The following PDE7B variants were observed in gnomAD, a reference collection of about 807,000 sequenced individuals.
The protein encoded by PDE7B is phosphodiesterase 7B.
In PDE7B, 29 loss-of-function variants were observed where a neutral mutation model predicts 56.2. That is an observed-to-expected ratio of 0.52 (90% CI 0.38 to 0.70). PDE7B has a LOEUF of 0.70. Among genes scored for constraint, PDE7B ranks in the 30% least tolerant of loss-of-function variants. PDE7B has a pLI of 0.00. For missense variants in PDE7B, 490 were observed against 565.0 expected (o/e 0.87, Z 1.35); for synonymous variants, 197 against 196.9 (o/e 1.00, Z 0.00).
chr6:136,065,715 A>G (rs1271400264), intron 2 of PDE7B, among the ~76,000 whole-genome samples: 1 of 152,186 alleles, frequency 6.6e-6, no homozygotes, highest in Non-Finnish European at 1.5e-5. Context: ...AGTGTCTCAG[A>G]TTCTATTACA....
chr6:135,961,480 A>C (rs1774902158), intron 2 of PDE7B, among the ~76,000 whole-genome samples: 1 of 152,164 alleles, frequency 6.6e-6, no homozygotes, highest in Non-Finnish European at 1.5e-5. Context: ...CAGTTTATGT[A>C]ATAGCCTGTA....
chr6:136,093,890 C>G (rs1250892048), intron 2 of PDE7B: 2 of 152,298 alleles, frequency 1.3e-5, no homozygotes, highest in Admixed American at 6.5e-5. Flanking sequence ...CTTTCTCATT[C>G]AAAATTCTCC....
At chr6:136,055,398 T>G (rs1224925657) in intron 2 of PDE7B, among the ~76,000 whole-genome samples, 2 of 152,212 alleles carry the variant, frequency 1.3e-5, no homozygotes, top group Admixed American at 6.5e-5. Flanking sequence ...CTACCTTGAG[T>G]ACCAGCACTG....
chr6:135,927,747 A>C (rs754044780), intron 1 of PDE7B, among the ~76,000 whole-genome samples: 1 of 152,202 alleles, frequency 6.6e-6, no homozygotes, highest in Non-Finnish European at 1.5e-5. Context: ...TTTATGACTA[A>C]GTCCCCAAAA....
intron 1 of PDE7B, among the ~76,000 whole-genome samples, chr6:135,916,140 G>A (rs1372594189): frequency 6.6e-6 from 1 of 152,098 alleles, no homozygotes; most frequent in Non-Finnish European, 1.5e-5. Context: ...GTTTTTCCCA[G>A]TGACTTTCCC....
intron 2 of PDE7B, among the ~76,000 whole-genome samples, chr6:135,982,487 A>C (rs1055889653): frequency 6.6e-5 from 10 of 152,102 alleles, no homozygotes; most frequent in African/African-American, 2.2e-4. Flanking sequence ...TCTGGTGCGC[A>C]TCCCTTGTTC....
intron 2 of PDE7B, among the ~76,000 whole-genome samples, chr6:136,050,028 G>A (rs948869924): frequency 3.9e-5 from 6 of 152,050 alleles, no homozygotes; most frequent in African/African-American, 1.2e-4. Flanking sequence ...CTGCACAAGG[G>A]CCAACTCGAG....
At chr6:136,100,948 C>T (rs143501960) in intron 2 of PDE7B, among the ~76,000 whole-genome samples, 108 of 152,264 alleles carry the variant, frequency 7.1e-4, no homozygotes, top group Non-Finnish European at 1.0e-3. Context: ...TCCATCAATA[C>T]ATAGTTTATT....
At chr6:136,037,707 A>AG (rs1296329019) in intron 2 of PDE7B, 4 of 985,338 alleles carry the variant, frequency 4.1e-6, no homozygotes, top group Non-Finnish European at 4.8e-6. Context: ...GCCTCCAGCA[A>AG]GGGGGGAGCC....
At chr6:135,931,638 A>G (rs1774293185) in intron 1 of PDE7B, among the ~76,000 whole-genome samples, 1 of 152,216 alleles carries the variant, frequency 6.6e-6, no homozygotes, top group Admixed American at 6.5e-5. Flanking sequence ...GGGAAGTGTT[A>G]CAAGGGAATG....
intron 1 of PDE7B, among the ~76,000 whole-genome samples, chr6:135,880,738 C>G (rs770134793): frequency 2.1e-4 from 32 of 152,298 alleles, no homozygotes; most frequent in Admixed American, 3.9e-4. Flanking sequence ...CAAAAGAAAT[C>G]TTTCAGCAAA....
chr6:136,083,391 G>A (rs1777236920), intron 2 of PDE7B, among the ~76,000 whole-genome samples: 1 of 152,088 alleles, frequency 6.6e-6, no homozygotes, highest in South Asian at 2.1e-4. Flanking sequence ...ATGACTACTT[G>A]CATCTATGCC....
rs1562449114 is a variant in PDE7B, at chr6:135,947,397, T to A, written c.22-67T>A. 3.4e-6 allele frequency: 4 copies of A among 1,190,470 alleles called. No individual in the cohort carries two copies. In the African/African-American group the frequency reaches 4.5e-5, roughly 13 times the overall value. The allele number at this position is 1,190,470 out of a possible 1,614,324, so 73.7% of individuals were successfully genotyped here. ...AATGTTATGGTAATGTCAGGTCACATGGATATATTGTCTTGGGAATCTTGA... is the reference window on the plus strand; with the variant it reads ...AATGTTATGGTAATGTCAGGTCACAAGGATATATTGTCTTGGGAATCTTGA... On this transcript the variant is annotated intron_variant, in intron 1 of 12. Coordinates refer to ENST00000308191, the MANE Select transcript of PDE7B (RefSeq NM_018945.4).
At chr6:136,166,854 T>C (rs1312511624) in intron 8 of PDE7B, among the ~76,000 whole-genome samples, 1 of 152,186 alleles carries the variant, frequency 6.6e-6, no homozygotes, top group East Asian at 1.9e-4. Flanking sequence ...TAAGTCATAA[T>C]TTTACTCCTC....
At chr6:135,899,819 AT>A (rs1297121781) in intron 1 of PDE7B, among the ~76,000 whole-genome samples, 1 of 152,166 alleles carries the variant, frequency 6.6e-6, no homozygotes, top group African/African-American at 2.4e-5. Flanking sequence ...TTTCAAAGTC[AT>A]TGCACATATG....
chr6:136,056,512 C>CTT lies in PDE7B; in HGVS notation c.83-52183_83-52182dup, dbSNP rs542232291. 1.7e-3 allele frequency among the ~76,000 whole-genome samples: 92 copies of CTT among 53,938 alleles called. 22 individuals are homozygous for CTT. The highest frequency in any genetic ancestry group is 4.0e-3 in the African/African-American group (42 of 10,484). 35.4% of individuals were successfully genotyped at this position (53,938 alleles called of 152,430 possible). A position where few individuals can be genotyped will look rare whatever the true frequency, so the allele number is the denominator to read the frequency against. On this transcript the variant is annotated intron_variant, in intron 2 of 12. Transcript: ENST00000308191. Reference sequence around the variant, plus strand: ...TCTGAGCTCCTTTGCAGATAGAATCCTTTTTTTTTTTTTTTTTTTTTTTTT... The same window carrying CTT: ...TCTGAGCTCCTTTGCAGATAGAATCCTTTTTTTTTTTTTTTTTTTTTTTTTTT...
chr6:135,962,490 T>C (rs908565179), intron 2 of PDE7B, among the ~76,000 whole-genome samples: 49 of 152,268 alleles, frequency 3.2e-4, no homozygotes, highest in African/African-American at 1.1e-3. Flanking sequence ...TTTATTTCCC[T>C]TTTTTTGTCT....
intron 2 of PDE7B, among the ~76,000 whole-genome samples, chr6:135,971,885 T>C (rs1026548459): frequency 5.1e-4 from 77 of 152,198 alleles, no homozygotes; most frequent in African/African-American, 1.8e-3. Context: ...TCATTGTTGC[T>C]GCAGCTGGTG....
chr6:136,105,897 G>A (rs1777637635), intron 2 of PDE7B, among the ~76,000 whole-genome samples: 1 of 152,210 alleles, frequency 6.6e-6, no homozygotes, highest in African/African-American at 2.4e-5. Context: ...AAGAAATCCT[G>A]TCACAGGCAT....
Sources: allele counts gnomAD v4.1 joint callset (sites outside exome capture counted in the v4.1 genomes callset), GRCh38; gene constraint gnomAD v4.1.1; transcripts MANE v1.5; gene names NCBI Gene and HGNC (gene_info 2026-07-23, HGNC 2026-07-21).